The following EPS8 variants were observed in gnomAD, a reference collection of about 807,000 sequenced individuals.
EPS8 encodes EGFR pathway substrate 8, signaling adaptor.
EPS8 carries 42 observed loss-of-function variants against 103.8 expected under a neutral mutation model. The observed-to-expected ratio is 0.40, with a 90% CI of 0.32 to 0.52. The LOEUF is 0.52. Ranked by LOEUF, EPS8 falls within the 20% of genes least tolerant of loss-of-function variation. The pLI is 0.40. For missense variants in EPS8, 969 were observed against 1,005.1 expected (o/e 0.96, Z 0.49); for synonymous variants, 344 against 344.6 (o/e 1.00, Z 0.02).
intron 17 of EPS8, among the ~76,000 whole-genome samples, chr12:15,640,106 G>C (rs1591810737): frequency 6.6e-6 from 1 of 152,216 alleles, no homozygotes; most frequent in East Asian, 1.9e-4. Context: ...CATAAGAATG[G>C]ACCTTCATGG....
intron 18 of EPS8, 124 bp from the exon 19 acceptor site, chr12:15,624,531 T>C (rs1944913549): frequency 3.2e-6 from 2 of 632,002 alleles, no homozygotes; most frequent in Non-Finnish European, 5.2e-6. Context: ...CCTACCATCT[T>C]TCCTCACTTT....
At position 15,727,611 on chromosome 12, in the gene EPS8, G is replaced by A. The variant is rs972011049; in HGVS notation, c.-21-44639C>T. 3.3e-5 allele frequency among the ~76,000 whole-genome samples: 5 copies of A among 152,156 alleles called. No individual in the cohort carries two copies. Among genetic ancestry groups the A allele is most frequent in the Non-Finnish European group, 7.4e-5 (5 of 68,022 alleles). On this transcript the variant is annotated intron_variant, in intron 1 of 20. Coordinates refer to ENST00000281172, the MANE Select transcript of EPS8 (RefSeq NM_004447.6). The surrounding 1 kb of genome is among the most constrained non-coding windows in gnomAD (Gnocchi z 4.3). Reference sequence around the variant, plus strand: ...ACAGTGGCTCACGCCTGTAATTCCAGCACCTTGGGAGGCCGAGGTGGGCGG... The same window carrying A: ...ACAGTGGCTCACGCCTGTAATTCCAACACCTTGGGAGGCCGAGGTGGGCGG...
intron 1 of EPS8, among the ~76,000 whole-genome samples, chr12:15,774,527 G>A (rs925640277): frequency 2.0e-5 from 3 of 149,972 alleles, no homozygotes; most frequent in African/African-American, 7.3e-5. Flanking sequence ...AATAGGCAAG[G>A]TAAGGGAAAG....
Position 15,734,916 on chromosome 12 carries a change from T to C in EPS8, c.-21-51944A>G, listed in dbSNP as rs897459878. Among the ~76,000 whole-genome samples, 5 of 152,180 alleles carry C rather than the reference T, an allele frequency of 3.3e-5. No homozygotes were observed. Among genetic ancestry groups the C allele is most frequent in the African/African-American group, 1.2e-4 (5 of 41,438 alleles). ...GTAAGCAGGGCCAACTGCCATATCA[T>C]TTCCATTTTAAAAATAAGCAAACTG... On this transcript the variant is annotated intron_variant, in intron 1 of 20. Transcript: ENST00000281172. This position sits in a 1 kb window ranked among gnomAD's most constrained non-coding sequence, Gnocchi z 4.1.
rs931763660 is a variant in EPS8 at position 15,721,967 on chromosome 12, T to A, written c.-21-38995A>T. On this transcript the variant is annotated intron_variant, in intron 1 of 20. Coordinates refer to ENST00000281172, the MANE Select transcript of EPS8 (RefSeq NM_004447.6). The surrounding 1 kb of genome is among the most constrained non-coding windows in gnomAD (Gnocchi z 4.4). ...ATTTTTCTAGTTTTTTTTTAATGCA[T>A]ACATACTTTTTTTTTTCAAAGGGGG... Among the ~76,000 whole-genome samples, 4 of 151,786 alleles carry A rather than the reference T, an allele frequency of 2.6e-5. No homozygotes were observed. Among genetic ancestry groups the A allele is most frequent in the African/African-American group, 9.7e-5 (4 of 41,358 alleles).
chr12:15,699,517 A>G (rs1398122835), intron 1 of EPS8, among the ~76,000 whole-genome samples: 2 of 152,208 alleles, frequency 1.3e-5, no homozygotes, highest in Non-Finnish European at 2.9e-5. Context: ...AGTTTTCTTT[A>G]AATACTAGTT....
chr12:15,671,630 A>T (rs951559531), intron 3 of EPS8: 14 of 152,162 alleles, frequency 9.2e-5, no homozygotes, highest in African/African-American at 3.4e-4. Context: ...AAACCAAAAA[A>T]ATAACATTAA....
At chr12:15,774,315 C>G (rs2136046793) in intron 1 of EPS8, among the ~76,000 whole-genome samples, 1 of 136,384 alleles carries the variant, frequency 7.3e-6, no homozygotes, top group South Asian at 2.7e-4. Flanking sequence ...ATATCTACCC[C>G]CCTCCTTCAC....
intron 17 of EPS8, among the ~76,000 whole-genome samples, chr12:15,631,960 C>G (rs889317073): frequency 7.9e-5 from 12 of 152,084 alleles, no homozygotes; most frequent in Non-Finnish European, 1.6e-4. Flanking sequence ...TGGAATCACA[C>G]AAGATGAGGG....
Position 15,631,496 on chromosome 12 carries a change from T to A in EPS8, c.1990A>T (p.Ser664Cys). The A allele has an allele frequency of 6.2e-7, 1 of 1,614,100 alleles. No homozygotes were observed. Among genetic ancestry groups the A allele is most frequent in the Non-Finnish European group, 8.5e-7 (1 of 1,179,980 alleles). Residue 664 changes from serine to cysteine, a missense_variant, in exon 18 of 21, where the codon AGT (serine) becomes TGT (cysteine). Ser to Cys is a moderately radical substitution (Grantham distance 112, BLOSUM62 -1). Coordinates refer to ENST00000281172, the MANE Select transcript of EPS8 (RefSeq NM_004447.6). ...ITRQNSSSSD[S>C]GGSIVRDSQR... is the part of the protein sequence containing the mutation. ...CTGTCTCGCACGATACTGCCACCAC[T>A]GTCACTGGAGCTGCTGTTTTGACGT...
chr12:15,652,098 T>C (rs1035765655), intron 13 of EPS8, among the ~76,000 whole-genome samples: 3 of 152,098 alleles, frequency 2.0e-5, no homozygotes, highest in African/African-American at 7.2e-5. Flanking sequence ...ATAAATCTAA[T>C]AGATTTAAGT....
intron 15 of EPS8, among the ~76,000 whole-genome samples, chr12:15,645,595 C>T (rs1361112644): frequency 6.6e-6 from 1 of 152,040 alleles, no homozygotes; most frequent in African/African-American, 2.4e-5. Context: ...CTATAAAGAT[C>T]ATAAAAATCA....
rs1265014734 is a variant in EPS8, at chr12:15,701,201, T to G, written c.-21-18229A>C. 6.6e-6 allele frequency among the ~76,000 whole-genome samples: 1 copy of G among 152,222 alleles called. No homozygotes were observed. The highest frequency in any genetic ancestry group is 2.4e-5 in the African/African-American group (1 of 41,460). On this transcript the variant is annotated intron_variant, in intron 1 of 20. Coordinates refer to ENST00000281172, the MANE Select transcript of EPS8 (RefSeq NM_004447.6). The surrounding 1 kb of genome is among the most constrained non-coding windows in gnomAD (Gnocchi z 5.1). ...TAATAATTTACAAAAACAATAACAC[T>G]TATTAAATCCATATATGTGTCAAAC... is the stretch of plus-strand genomic sequence containing the variant.
rs1192679072 is a variant in EPS8 at position 15,641,643 on chromosome 12, G to A, written c.1677+79C>T. 5 of 608,912 alleles carry A rather than the reference G, an allele frequency of 8.2e-6. No homozygotes were observed. The East Asian group carries it at 1.6e-4, about 19-fold the overall frequency. The allele number at this position is 608,912 out of a possible 1,614,324, so 37.7% of individuals were successfully genotyped here. A position where few individuals can be genotyped will look rare whatever the true frequency, so the allele number is the denominator to read the frequency against. ...CTTTAGTAATATAATACTTTTGAAGGAAAGTTTAGTTATATACCAAAAGAG... is the reference window on the plus strand; with the variant it reads ...CTTTAGTAATATAATACTTTTGAAGAAAAGTTTAGTTATATACCAAAAGAG... On this transcript the variant is annotated intron_variant, in intron 16 of 20. Coordinates refer to ENST00000281172, the MANE Select transcript of EPS8 (RefSeq NM_004447.6).
At chr12:15,626,116 C>T (rs77002734) in intron 18 of EPS8, among the ~76,000 whole-genome samples, 2,094 of 152,234 alleles carry the variant, frequency 0.014, 47 homozygotes, top group African/African-American at 0.048. Flanking sequence ...CAAAATACCA[C>T]GGAGCTGCAC....
Position 15,718,489 on chromosome 12 carries a change from ACT to A in EPS8, c.-21-35519_-21-35518del, listed in dbSNP as rs559024008. Among the ~76,000 whole-genome samples, 194 of 152,262 alleles carry A rather than the reference ACT, an allele frequency of 1.3e-3. 1 individual carries two copies. The South Asian group carries it at 0.014, about 11-fold the overall frequency. On this transcript the variant is annotated intron_variant, in intron 1 of 20. Transcript: ENST00000281172. ...CTGAAAATTTCCCATTTAAATACAG[ACT>A]CTGCTGAAACACAATAGGTACAAAG...
chr12:15,705,621 CTAAT>C lies in EPS8; in HGVS notation c.-21-22653_-21-22650del, dbSNP rs1256669858. Among the ~76,000 whole-genome samples, 3 of 152,230 alleles carry C rather than the reference CTAAT, an allele frequency of 2.0e-5. No homozygotes were observed. The South Asian group carries it at 6.2e-4, about 32-fold the overall frequency. ...AAATATCAATAATTATAAAATGATG[CTAAT>C]TAAAGTACTTAACACTCATTTAAAA... On this transcript the variant is annotated intron_variant, in intron 1 of 20. Transcript: ENST00000281172.
intron 14 of EPS8, among the ~76,000 whole-genome samples, chr12:15,648,620 C>T (rs74565368): frequency 0.05 from 7,660 of 152,196 alleles, 292 homozygotes; most frequent in Non-Finnish European, 0.068. Flanking sequence ...ATTAGGTAAT[C>T]TTTAATTAAA....
intron 1 of EPS8, among the ~76,000 whole-genome samples, chr12:15,691,530 A>C (rs1230430339): frequency 6.6e-6 from 1 of 152,170 alleles, no homozygotes; most frequent in African/African-American, 2.4e-5. Context: ...GAAGCGGGAG[A>C]CATTCGGTTC....
Sources: allele counts gnomAD v4.1 joint callset (sites outside exome capture counted in the v4.1 genomes callset), GRCh38; gene constraint gnomAD v4.1.1; non-coding constraint Gnocchi (gnomAD v3.1); transcripts MANE v1.5; gene names NCBI Gene and HGNC (gene_info 2026-07-23, HGNC 2026-07-21).